The following RGPD3 variants were observed in gnomAD, a reference collection of about 807,000 sequenced individuals.
RGPD3 encodes the protein ranBP2-like and GRIP domain-containing protein 3.
A neutral mutation model predicts 154.5 loss-of-function variants in RGPD3; 62 were observed. That is an observed-to-expected ratio of 0.40 (90% CI 0.33 to 0.50). The LOEUF (loss-of-function observed/expected upper bound fraction) is 0.50. RGPD3 is among the 20% of genes least tolerant of loss of function. RGPD3 has a pLI of 0.59. For missense variants in RGPD3, 919 were observed against 1,716.8 expected, an observed-to-expected ratio of 0.54 and a Z score of 8.21; for synonymous variants, 308 against 607.0, an observed-to-expected ratio of 0.51 and a Z score of 7.24.
chr2:106,467,127 C>T (rs1678639313), intron 1 of RGPD3, among the ~76,000 whole-genome samples: 3 of 81,416 alleles, frequency 3.7e-5, no homozygotes, highest in South Asian at 6.7e-4. Context: ...CTCAACAGAG[C>T]GCGCCAGGGA....
At chr2:106,450,893 A>T (rs1678098030) in intron 6 of RGPD3, among the ~76,000 whole-genome samples, 1 of 114,184 alleles carries the variant, frequency 8.8e-6, no homozygotes. Flanking sequence ...AAAAAAAAAG[A>T]GAGATTGAGA....
intron 22 of RGPD3, among the ~76,000 whole-genome samples, chr2:106,410,577 CATT>C (rs1361629249): frequency 5.3e-5 from 8 of 152,114 alleles, no homozygotes; most frequent in Admixed American, 3.3e-4. Flanking sequence ...GAGATAATAT[CATT>C]GTTGTATTGA....
intron 21 of RGPD3, among the ~76,000 whole-genome samples, chr2:106,413,520 T>C (rs1676733618): frequency 6.6e-6 from 1 of 152,048 alleles, no homozygotes. Flanking sequence ...AACTATGAGA[T>C]AGTTTCAAAG....
chr2:106,444,912 G>A (rs1197234895), intron 7 of RGPD3, among the ~76,000 whole-genome samples: 141 of 125,068 alleles, frequency 1.1e-3, no homozygotes, highest in African/African-American at 4.1e-3. Context: ...GTTACGGTGA[G>A]CTACGATTAC....
At chr2:106,441,255 T>C in intron 8 of RGPD3, 38 bp downstream of exon 8, 1 of 1,547,818 alleles carries the variant, frequency 6.5e-7, no homozygotes, top group Non-Finnish European at 8.8e-7. Flanking sequence ...GAAATTCCTT[T>C]TTCTTTTTAA....
chr2:106,444,717 G>A lies in RGPD3; in HGVS notation c.978+2701C>T, dbSNP rs577432893. Among the ~76,000 whole-genome samples, 50 of 149,834 alleles carry A rather than the reference G, an allele frequency of 3.3e-4. 1 individual carries two copies. The highest frequency in any genetic ancestry group is 8.9e-4 in the African/African-American group (36 of 40,488). On this transcript the variant is annotated intron_variant, in intron 7 of 22. Coordinates refer to ENST00000409886, the MANE Select transcript of RGPD3 (RefSeq NM_001144013.2). ...GGCAGGCACCTGTAGTCCCAGTACC[G>A]AGCTGAGGCTGAAGCAGGAGAGGAT...
intron 20 of RGPD3, among the ~76,000 whole-genome samples, chr2:106,421,919 G>A (rs1677002514): frequency 6.6e-6 from 1 of 151,406 alleles, no homozygotes; most frequent in Non-Finnish European, 1.5e-5. Context: ...CATGCCACCA[G>A]TCAAAAGGTA....
chr2:106,445,275 T>A (rs1465003693), intron 7 of RGPD3, among the ~76,000 whole-genome samples: 1 of 149,400 alleles, frequency 6.7e-6, no homozygotes, highest in Non-Finnish European at 1.5e-5. Context: ...GGCGACAGAG[T>A]GAGACTCCGT....
chr2:106,422,893 A>G, intron 20 of RGPD3, 150 bp downstream of exon 20: 1 of 1,545,134 alleles, frequency 6.5e-7, no homozygotes, highest in South Asian at 1.2e-5. Flanking sequence ...CCATGAACTT[A>G]TTAAGGGAGA....
In RGPD3 at chr2:106,441,756, CG is replaced by C. The variant is rs1677749056; in HGVS notation, c.979-377del. ...CACACACCTGTTAATTCCAGCTACA[CG>C]GGAGGCTGAGGCACAAGGATAGCTT... is the stretch of plus-strand genomic sequence containing the variant. On this transcript the variant is annotated intron_variant, in intron 7 of 22. Transcript: ENST00000409886. Among the ~76,000 whole-genome samples the C allele has an allele frequency of 2.1e-5, 3 of 145,596 alleles. No homozygotes were observed. In the South Asian group the frequency reaches 6.5e-4, roughly 32 times the overall value.
At chr2:106,408,913 T>C (rs1033638283) in intron 22 of RGPD3, among the ~76,000 whole-genome samples, 46 of 151,610 alleles carry the variant, frequency 3.0e-4, no homozygotes, top group Non-Finnish European at 4.6e-4. Context: ...TCTGAACTCC[T>C]GTTCTCAAGC....
At chr2:106,450,925 C>T (rs1678099814) in intron 6 of RGPD3, among the ~76,000 whole-genome samples, 1 of 131,160 alleles carries the variant, frequency 7.6e-6, no homozygotes, top group Non-Finnish European at 1.6e-5. Context: ...CCCGTCTCTA[C>T]TAAAAATACA....
intron 20 of RGPD3, among the ~76,000 whole-genome samples, chr2:106,420,879 G>A (rs1254410700): frequency 5.5e-3 from 840 of 151,454 alleles, no homozygotes; most frequent in African/African-American, 0.019. Flanking sequence ...GGGCTCAAGT[G>A]ATCCCTCTGC....
At chr2:106,413,800 C>G (rs1676742276) in intron 21 of RGPD3, among the ~76,000 whole-genome samples, 1 of 152,072 alleles carries the variant, frequency 6.6e-6, no homozygotes, top group South Asian at 2.1e-4. Context: ...GTTCTTGTCT[C>G]AGAAGCACAG....
At position 106,415,914 on chromosome 2, in the gene RGPD3, T is replaced by C; in HGVS notation, c.5000A>G (p.Asp1667Gly). 2 of 1,611,898 alleles carry C rather than the reference T, an allele frequency of 1.2e-6. No homozygotes were observed. Among genetic ancestry groups the C allele is most frequent in the Non-Finnish European group, 1.7e-6 (2 of 1,179,842 alleles). ...TTCCCGAAGCAGGCCGTTTAAGTGA[T>C]CTGCACTTTTTGTGGTGGAACTGAG... is the stretch of plus-strand genomic sequence containing the variant. ...QKLSSTTKSA[D>G]HLNGLLREIE... The change falls in exon 21 of 23, where the codon GAT becomes GGT. Residue 1667 changes from aspartate (D) to glycine (G), a missense_variant. Transcript: ENST00000409886.
intron 19 of RGPD3, among the ~76,000 whole-genome samples, chr2:106,425,524 GC>G (rs1393197632): frequency 8.4e-6 from 1 of 118,716 alleles, no homozygotes; most frequent in African/African-American, 3.2e-5. Flanking sequence ...TACATATGAG[GC>G]AACTGATGCA....
intron 7 of RGPD3, 78 bp from the exon 8 acceptor site, chr2:106,441,458 T>C: frequency 2.3e-6 from 2 of 864,054 alleles, no homozygotes; most frequent in Non-Finnish European, 3.5e-6. Flanking sequence ...TCTATTACAC[T>C]GTACTTTTTT....
upstream of RGPD3, chr2:106,468,500 C>A (rs1436980509): frequency 1.0e-6 from 1 of 979,396 alleles, no homozygotes; most frequent in African/African-American, 1.7e-5. Flanking sequence ...TTGGCAGCAC[C>A]CTGTGCTCTG....
chr2:106,422,361 GT>G (rs1292535435), intron 20 of RGPD3, among the ~76,000 whole-genome samples: 7 of 92,274 alleles, frequency 7.6e-5, no homozygotes, highest in African/African-American at 1.5e-4. Flanking sequence ...TCAATATCAT[GT>G]TTTTTTTTGT....
Sources: gnomAD v4.1 joint callset for allele counts (sites outside exome capture counted in the v4.1 genomes callset) on GRCh38, gnomAD v4.1.1 for gene constraint, MANE v1.5 for transcripts, NCBI Gene and HGNC (gene_info 2026-07-23, HGNC 2026-07-21) for gene names.